The following PTK2 variants were observed in gnomAD, a reference collection of about 807,000 sequenced individuals.
PTK2 encodes the protein focal adhesion kinase 1.
In PTK2, 45 loss-of-function variants were observed where a neutral mutation model predicts 150.1. The observed-to-expected ratio is 0.30, with a 90% CI of 0.24 to 0.38. PTK2 has a LOEUF of 0.38. Among genes scored for constraint, PTK2 ranks in the 10% least tolerant of loss-of-function variants. PTK2 has a pLI of 1.00. For missense variants in PTK2, 919 were observed against 1,307.3 expected (o/e 0.70, Z 4.58); for synonymous variants, 432 against 449.2 (o/e 0.96, Z 0.48).
chr8:140,979,210 T>C (rs968321597), intron 1 of PTK2, among the ~76,000 whole-genome samples: 8 of 150,656 alleles, frequency 5.3e-5, no homozygotes, highest in Non-Finnish European at 1.5e-5. Flanking sequence ...TGTATACATA[T>C]GTAACAAACC....
At chr8:141,001,963 A>G (rs1335865403), upstream of PTK2, 1 of 152,240 alleles carries the variant, frequency 6.6e-6, no homozygotes, top group Non-Finnish European at 1.5e-5. Context: ...GGTTACCTAA[A>G]TGAACGCCAG....
chr8:140,844,385 A>G (rs956761479), intron 7 of PTK2, among the ~76,000 whole-genome samples: 3 of 152,190 alleles, frequency 2.0e-5, no homozygotes, highest in African/African-American at 7.2e-5. Flanking sequence ...GGGTATTTAC[A>G]TAAATTATTT....
intron 1 of PTK2, among the ~76,000 whole-genome samples, chr8:140,993,489 C>A (rs2100196510): frequency 6.6e-6 from 1 of 152,162 alleles, no homozygotes; most frequent in African/African-American, 2.4e-5. Flanking sequence ...AAAGTTTATG[C>A]CCTCGTGGAG....
intron 1 of PTK2, among the ~76,000 whole-genome samples, chr8:140,947,688 T>G (rs1229390886): frequency 1.3e-5 from 2 of 151,898 alleles, no homozygotes; most frequent in Non-Finnish European, 2.9e-5. Context: ...ATTCAACAAA[T>G]ATCTAGCTAT....
At chr8:140,791,769 A>G (rs1040014937) in intron 13 of PTK2, among the ~76,000 whole-genome samples, 1 of 152,240 alleles carries the variant, frequency 6.6e-6, no homozygotes, top group African/African-American at 2.4e-5. Flanking sequence ...AGAGTGGATC[A>G]TGCAAAGACA....
intron 1 of PTK2, among the ~76,000 whole-genome samples, chr8:140,928,594 T>TTTC (rs1309401599): frequency 3.3e-5 from 5 of 152,306 alleles, no homozygotes; most frequent in African/African-American, 4.8e-5. Flanking sequence ...GGTATATAAA[T>TTTC]TCAATGAAAT....
intron 10 of PTK2, among the ~76,000 whole-genome samples, chr8:140,815,747 A>G (rs1426849587): frequency 6.6e-6 from 1 of 152,122 alleles, no homozygotes; most frequent in Non-Finnish European, 1.5e-5. Context: ...AATTGGCTCA[A>G]TATTATCATA....
At chr8:140,849,202 T>C (rs55754835) in intron 5 of PTK2, among the ~76,000 whole-genome samples, 32,964 of 151,914 alleles carry the variant, frequency 0.22, 4,251 homozygotes, top group East Asian at 0.48. Context: ...GCAAAGAGTA[T>C]AGATCTGAGA....
intron 29 of PTK2, 28 bp downstream of exon 33, chr8:140,669,699 C>A: frequency 6.5e-7 from 1 of 1,531,750 alleles, no homozygotes; most frequent in Non-Finnish European, 8.7e-7. Context: ...GAGAGCTGGA[C>A]AGACACACAA....
chr8:140,756,079 C>T (rs2100065511), intron 16 of PTK2, among the ~76,000 whole-genome samples: 2 of 152,088 alleles, frequency 1.3e-5, no homozygotes, highest in South Asian at 2.1e-4. Flanking sequence ...AATCCCAGCA[C>T]ACTGGGAGGC....
At chr8:140,831,948 C>T (rs999623148) in intron 7 of PTK2, among the ~76,000 whole-genome samples, 5 of 152,172 alleles carry the variant, frequency 3.3e-5, no homozygotes, top group African/African-American at 7.2e-5. Context: ...AAAATTAGTA[C>T]ACAAAAGACA....
chr8:140,957,727 CACTT>C (rs2100181677), intron 1 of PTK2, among the ~76,000 whole-genome samples: 1 of 152,180 alleles, frequency 6.6e-6, no homozygotes, highest in Non-Finnish European at 1.5e-5. Flanking sequence ...GATACACACA[CACTT>C]ACCACTGTGT....
At chr8:140,744,621 G>A in intron 19 of PTK2, 31 bp downstream of exon 22, 1 of 1,381,720 alleles carries the variant, frequency 7.2e-7, no homozygotes, top group Non-Finnish European at 1.0e-6. Context: ...TTTTCAGAAG[G>A]GAACTTAACA....
chr8:140,946,379 A>G (rs2100177695), intron 1 of PTK2, among the ~76,000 whole-genome samples: 1 of 152,216 alleles, frequency 6.6e-6, no homozygotes. Context: ...TTCTAGAACT[A>G]CACGAGGAAG....
intron 30 of PTK2, among the ~76,000 whole-genome samples, chr8:140,666,717 G>A (rs1300100201): frequency 6.6e-6 from 1 of 152,132 alleles, no homozygotes; most frequent in African/African-American, 2.4e-5. Flanking sequence ...CAGAATGGTG[G>A]CTCCTCAAAA....
intron 13 of PTK2, among the ~76,000 whole-genome samples, chr8:140,789,736 A>G (rs1341111700): frequency 6.6e-6 from 1 of 152,218 alleles, no homozygotes; most frequent in Non-Finnish European, 1.5e-5. Context: ...GGAATGTTGA[A>G]CTGTTCTGAG....
At chr8:140,699,833 G>C (rs370948441) in intron 26 of PTK2, among the ~76,000 whole-genome samples, 1 of 151,534 alleles carries the variant, frequency 6.6e-6, no homozygotes, top group Non-Finnish European at 1.5e-5. Flanking sequence ...TTAGGAGACA[G>C]AGTCTTGCTC....
intron 2 of PTK2, among the ~76,000 whole-genome samples, chr8:140,907,263 T>C (rs2100161301): frequency 1.3e-5 from 2 of 152,208 alleles, no homozygotes; most frequent in Admixed American, 1.3e-4. Flanking sequence ...ATCCCTAACC[T>C]AAATGTTTAG....
At chr8:140,771,625 C>G (rs1342117252) in intron 14 of PTK2, among the ~76,000 whole-genome samples, 1 of 152,076 alleles carries the variant, frequency 6.6e-6, no homozygotes, top group East Asian at 1.9e-4. Context: ...AAAGAAAGAT[C>G]AGAAGTATGG....
Sources: allele counts gnomAD v4.1 joint callset (sites outside exome capture counted in the v4.1 genomes callset), GRCh38; gene constraint gnomAD v4.1.1; transcripts MANE v1.5; gene names NCBI Gene and HGNC (gene_info 2026-07-23, HGNC 2026-07-21).